The following KIAA0825 variants were observed in gnomAD, a reference collection of about 807,000 sequenced individuals.
The protein encoded by KIAA0825 is KIAA0825.
Under a neutral mutation model 147.6 loss-of-function variants are expected in KIAA0825, and 119 were observed. The ratio of observed to expected loss-of-function variants is 0.81; its 90% CI spans 0.69 to 0.94. KIAA0825 has a LOEUF of 0.94. Ranked by LOEUF, KIAA0825 falls within the 40% of genes least tolerant of loss-of-function variation. The probability of loss-of-function intolerance (pLI) is 0.00; values close to 1 mark genes in which losing one functional copy is unlikely to be tolerated. For synonymous variants in KIAA0825, 470 were observed against 518.1 expected (o/e 0.91, Z 1.26); for missense variants, 1,381 against 1,472.7 (o/e 0.94, Z 1.02).
At chr5:94,323,628 A>G (rs916180302) in intron 20 of KIAA0825, among the ~76,000 whole-genome samples, 17 of 151,968 alleles carry the variant, frequency 1.1e-4, no homozygotes, top group Admixed American at 9.2e-4. Flanking sequence ...CTCCGTTTAA[A>G]CAGAAACTTT....
At chr5:94,559,584 C>T (rs1311000859) in intron 2 of KIAA0825, among the ~76,000 whole-genome samples, 1 of 152,176 alleles carries the variant, frequency 6.6e-6, no homozygotes, top group Non-Finnish European at 1.5e-5. Flanking sequence ...TTTAACTGAT[C>T]CCATTTCCCT....
At chr5:94,368,327 G>T (rs143872113) in intron 20 of KIAA0825, among the ~76,000 whole-genome samples, 1 of 152,164 alleles carries the variant, frequency 6.6e-6, no homozygotes, top group South Asian at 2.1e-4. Context: ...TGTGCACCAC[G>T]ACACCCAATT....
intron 5 of KIAA0825, among the ~76,000 whole-genome samples, chr5:94,506,948 T>C (rs1001127128): frequency 1.3e-5 from 2 of 152,186 alleles, no homozygotes; most frequent in Non-Finnish European, 2.9e-5. Flanking sequence ...CTTGAGGTGA[T>C]AACAGTGAAT....
chr5:94,576,367 A>G (rs1403581773), intron 2 of KIAA0825, among the ~76,000 whole-genome samples: 1 of 152,194 alleles, frequency 6.6e-6, no homozygotes, highest in East Asian at 1.9e-4. Context: ...GGGTCATGAG[A>G]GCAAAGCCCT....
intron 1 of KIAA0825, among the ~76,000 whole-genome samples, chr5:94,608,457 ATATATAT>A (rs1787940115): frequency 5.5e-5 from 1 of 18,246 alleles, no homozygotes; most frequent in Non-Finnish European, 9.4e-5. Flanking sequence ...GTGTGTATAT[ATATATAT>A]TATATATATA....
intron 20 of KIAA0825, among the ~76,000 whole-genome samples, chr5:94,276,169 A>G (rs1400252373): frequency 6.6e-6 from 1 of 152,154 alleles, no homozygotes; most frequent in South Asian, 2.1e-4. Context: ...TCTAACTCAC[A>G]GTCTAATGAA....
intron 20 of KIAA0825, among the ~76,000 whole-genome samples, chr5:94,352,093 A>G (rs442817): frequency 0.2 from 29,979 of 152,232 alleles, 3,473 homozygotes; most frequent in Middle Eastern, 0.26. Context: ...TAATTAAACT[A>G]AAGAGCTTTT....
intron 3 of KIAA0825, among the ~76,000 whole-genome samples, chr5:94,527,689 T>C (rs780487162): frequency 1.4e-4 from 22 of 152,066 alleles, no homozygotes; most frequent in Non-Finnish European, 3.2e-4. Context: ...GTCTTTTCAA[T>C]TGTTACACTG....
Position 94,432,259 on chromosome 5 carries a change from GA to G in KIAA0825, c.2497+7722del, listed in dbSNP as rs753854094. Among the ~76,000 whole-genome samples the G allele has an allele frequency of 3.3e-5, 5 of 152,250 alleles. No homozygotes were observed. The East Asian group carries it at 7.7e-4, about 24-fold the overall frequency. On this transcript the variant is annotated intron_variant, in intron 14 of 20. Coordinates refer to ENST00000682413, the MANE Select transcript of KIAA0825 (RefSeq NM_001145678.3). ...CAGCATCACCTGGGAGTTTGTTAGA[GA>G]AACACATAATCCATAATCTCAGGCC... is the stretch of plus-strand genomic sequence containing the variant.
chr5:94,180,775 C>CT, intron 20 of KIAA0825, among the ~76,000 whole-genome samples: 1 of 152,192 alleles, frequency 6.6e-6, no homozygotes, highest in Admixed American at 6.5e-5. Flanking sequence ...GTCTTACATA[C>CT]TTTTTTTCAG....
At chr5:94,242,284 T>C (rs1239834620) in intron 20 of KIAA0825, among the ~76,000 whole-genome samples, 1 of 152,202 alleles carries the variant, frequency 6.6e-6, no homozygotes, top group African/African-American at 2.4e-5. Flanking sequence ...AATCCTGCAG[T>C]CTGCCTCTAT....
intron 4 of KIAA0825, among the ~76,000 whole-genome samples, chr5:94,523,720 A>G (rs1326215442): frequency 1.3e-5 from 2 of 151,552 alleles, no homozygotes; most frequent in Non-Finnish European, 3.0e-5. Flanking sequence ...CATTTATATA[A>G]AATTTTATTT....
At position 94,596,245 on chromosome 5, in the gene KIAA0825, A is replaced by C. The variant is rs115780386; in HGVS notation, c.-152-13662T>G. On this transcript the variant is annotated intron_variant, in intron 1 of 20. Coordinates refer to ENST00000682413, the MANE Select transcript of KIAA0825 (RefSeq NM_001145678.3). ...TACATTTAAGTCTTTAATCCATTTT[A>C]GTCGATTTTTGTACATCATATAAGT... 8.7e-3 allele frequency among the ~76,000 whole-genome samples: 1,331 copies of C among 152,214 alleles called. 23 individuals carry two copies. Among genetic ancestry groups the C allele is most frequent in the African/African-American group, 0.031 (1,270 of 41,538 alleles).
chr5:94,575,523 T>C (rs939946014), intron 2 of KIAA0825, among the ~76,000 whole-genome samples: 3 of 152,120 alleles, frequency 2.0e-5, no homozygotes, highest in African/African-American at 7.2e-5. Flanking sequence ...CCAGAGAAAC[T>C]AAACAGGGCA....
At chr5:94,483,583 T>C (rs537177614) in intron 6 of KIAA0825, among the ~76,000 whole-genome samples, 1 of 151,664 alleles carries the variant, frequency 6.6e-6, no homozygotes, top group Non-Finnish European at 1.5e-5. Context: ...TTGGTTTTTT[T>C]GGGGGGGTTT....
At chr5:94,260,802 G>A (rs1487766642) in intron 20 of KIAA0825, among the ~76,000 whole-genome samples, 2 of 152,110 alleles carry the variant, frequency 1.3e-5, no homozygotes, top group African/African-American at 2.4e-5. Flanking sequence ...TAAAGTAACA[G>A]GAGTTGCAAG....
chr5:94,378,745 T>C (rs774629912), intron 20 of KIAA0825, among the ~76,000 whole-genome samples: 1 of 152,260 alleles, frequency 6.6e-6, no homozygotes, highest in Non-Finnish European at 1.5e-5. Flanking sequence ...CATTCCCTTT[T>C]CTTCATAATC....
At chr5:94,334,596 C>A (rs971316434) in intron 20 of KIAA0825, among the ~76,000 whole-genome samples, 1 of 152,198 alleles carries the variant, frequency 6.6e-6, no homozygotes, top group East Asian at 1.9e-4. Flanking sequence ...GATTCTCCTG[C>A]CTCAGCCTCC....
chr5:94,386,347 T>G lies in KIAA0825; in HGVS notation c.3514A>C (p.Ile1172Leu). 1 of 1,551,722 alleles carries G rather than the reference T, an allele frequency of 6.4e-7. No individual in the cohort carries two copies. Among genetic ancestry groups the G allele is most frequent in the East Asian group, 2.4e-5 (1 of 40,872 alleles). ...MNSSEEKPLP[I>L]RPLKTTLRSI... is the part of the protein sequence containing the mutation. ...CTCAAGGTCGTCTTTAAAGGTCGGATGGGTAATGGCTTTTCCTCTGAACTA... is the reference window on the plus strand; with the variant it reads ...CTCAAGGTCGTCTTTAAAGGTCGGAGGGGTAATGGCTTTTCCTCTGAACTA... Residue 1172 changes from isoleucine to leucine, a missense_variant, in exon 19 of 21, where the codon ATC (isoleucine) becomes CTC (leucine). Coordinates refer to ENST00000682413, the MANE Select transcript of KIAA0825 (RefSeq NM_001145678.3).
Sources: gnomAD v4.1 joint callset for allele counts (sites outside exome capture counted in the v4.1 genomes callset) on GRCh38, gnomAD v4.1.1 for gene constraint, MANE v1.5 for transcripts, NCBI Gene and HGNC (gene_info 2026-07-23, HGNC 2026-07-21) for gene names.